USH2A: variants seen among roughly 807,000 people sequenced by gnomAD.
The protein encoded by USH2A is usherin.
In USH2A, 443 loss-of-function variants were observed where a neutral mutation model predicts 538.9. The observed-to-expected ratio is 0.82, with a 90% CI of 0.76 to 0.89. The LOEUF is 0.89. Among genes scored for constraint, USH2A ranks in the 40% least tolerant of loss-of-function variants. USH2A has a pLI of 0.00. For synonymous variants in USH2A, 2,413 were observed against 2,273.5 expected (o/e 1.06, Z -1.75); for missense variants, 6,633 against 6,324.8 (o/e 1.05, Z -1.65).
intron 44 of USH2A, among the ~76,000 whole-genome samples, chr1:215,865,116 T>C (rs1664434963): frequency 6.6e-6 from 1 of 152,144 alleles, no homozygotes; most frequent in South Asian, 2.1e-4. Context: ...AAATTAAAAT[T>C]GCAAAAAATA....
chr1:216,388,507 A>G (rs1179626929), intron 3 of USH2A, among the ~76,000 whole-genome samples: 1 of 152,164 alleles, frequency 6.6e-6, no homozygotes, highest in African/African-American at 2.4e-5. Context: ...TATGACTTGG[A>G]AGGAAAATTA....
intron 33 of USH2A, among the ~76,000 whole-genome samples, chr1:216,000,161 T>A (rs1022274994): frequency 6.6e-6 from 1 of 152,156 alleles, no homozygotes; most frequent in Non-Finnish European, 1.5e-5. Context: ...AGTGGTCAGT[T>A]TTTTGTTTAT....
intron 9 of USH2A, among the ~76,000 whole-genome samples, chr1:216,319,471 CA>C (rs1283258331): frequency 3.3e-5 from 5 of 152,186 alleles, no homozygotes; most frequent in African/African-American, 1.2e-4. Flanking sequence ...AAATCAAATG[CA>C]AAGACTCTAG....
chr1:215,663,846 T>C (rs1414724803), intron 64 of USH2A, among the ~76,000 whole-genome samples: 1 of 152,088 alleles, frequency 6.6e-6, no homozygotes, highest in East Asian at 1.9e-4. Context: ...AGCCTATGAG[T>C]CCAATGCTAT....
chr1:215,900,281 T>C (rs1407911488), intron 39 of USH2A, 64 bp from the exon 40 acceptor site: 3 of 1,582,708 alleles, frequency 1.9e-6, no homozygotes, highest in African/African-American at 2.7e-5. Flanking sequence ...AGCAAGTAAA[T>C]TTCTTACTAC....
rs111362503 is a variant in USH2A at position 216,169,547 on chromosome 1, T to A, written c.4627+5705A>T. 6.7e-3 allele frequency among the ~76,000 whole-genome samples: 1,017 copies of A among 152,224 alleles called. 10 individuals carry two copies. The highest frequency in any genetic ancestry group is 0.023 in the African/African-American group (965 of 41,554). On this transcript the variant is annotated intron_variant, in intron 21 of 71. Transcript: ENST00000307340. ...CCTCTCTACTAAATATAATAAAAAA[T>A]AAACAGTCTTGACATTTACATCTCC... is the stretch of plus-strand genomic sequence containing the variant.
rs143113642 is a variant in USH2A at position 215,972,230 on chromosome 1, TC to T, written c.6806-1455del. ...AGAAAGAAAACGTCCAGTTTCTAGC[TC>T]CAAGAGCTGAGGGCTTTGTTGACAG... On this transcript the variant is annotated intron_variant, in intron 35 of 71. Coordinates refer to ENST00000307340, the MANE Select transcript of USH2A (RefSeq NM_206933.4). 3.8e-3 allele frequency among the ~76,000 whole-genome samples: 586 copies of T among 152,232 alleles called. 5 individuals are homozygous for T. Among genetic ancestry groups the T allele is most frequent in the African/African-American group, 0.014 (565 of 41,566 alleles).
intron 61 of USH2A, among the ~76,000 whole-genome samples, chr1:215,695,278 T>C (rs1371840278): frequency 6.6e-6 from 1 of 152,216 alleles, no homozygotes; most frequent in African/African-American, 2.4e-5. Flanking sequence ...ACCTTTGACT[T>C]TCCCACTTTT....
At chr1:216,239,574 A>C (rs1394200171) in intron 13 of USH2A, among the ~76,000 whole-genome samples, 1 of 152,186 alleles carries the variant, frequency 6.6e-6, no homozygotes, top group Non-Finnish European at 1.5e-5. Context: ...GACATTATAG[A>C]CCATGAGGAT....
At chr1:216,302,199 C>G (rs781196214) in intron 9 of USH2A, among the ~76,000 whole-genome samples, 9 of 152,228 alleles carry the variant, frequency 5.9e-5, no homozygotes, top group Non-Finnish European at 1.2e-4. Context: ...GAAAATGGCT[C>G]TGTGCTTTGC....
intron 61 of USH2A, among the ~76,000 whole-genome samples, chr1:215,710,918 C>T (rs994102260): frequency 6.6e-6 from 1 of 151,830 alleles, no homozygotes; most frequent in African/African-American, 2.4e-5. Context: ...TTCTTATTTG[C>T]TGGCTCCATT....
intron 9 of USH2A, among the ~76,000 whole-genome samples, chr1:216,299,733 G>GA (rs952878418): frequency 2.6e-5 from 4 of 152,046 alleles, no homozygotes; most frequent in East Asian, 1.9e-4. Flanking sequence ...AAAATCTGCA[G>GA]AAAAAATGAT....
chr1:215,938,048 A>G (rs1666551233), intron 37 of USH2A, among the ~76,000 whole-genome samples: 1 of 152,152 alleles, frequency 6.6e-6, no homozygotes, highest in Admixed American at 6.6e-5. Context: ...TTATATAATT[A>G]GTTGTAACAT....
intron 32 of USH2A, among the ~76,000 whole-genome samples, chr1:216,042,280 A>C (rs2030311039): frequency 6.6e-6 from 1 of 152,060 alleles, no homozygotes; most frequent in Non-Finnish European, 1.5e-5. Context: ...TATGAGTTTC[A>C]ATATGACAGG....
intron 11 of USH2A, among the ~76,000 whole-genome samples, chr1:216,270,678 A>G (rs1365130186): frequency 4.0e-5 from 6 of 150,952 alleles, no homozygotes; most frequent in African/African-American, 1.2e-4. Flanking sequence ...TCCATTTAAT[A>G]AACTGCTATC....
intron 44 of USH2A, among the ~76,000 whole-genome samples, chr1:215,852,979 G>T (rs1305574485): frequency 6.6e-6 from 1 of 152,148 alleles, no homozygotes; most frequent in South Asian, 2.1e-4. Flanking sequence ...CTATTCTGGG[G>T]TCTAGAGGAC....
intron 20 of USH2A, among the ~76,000 whole-genome samples, chr1:216,181,860 C>T (rs372266679): frequency 6.6e-5 from 10 of 152,170 alleles, no homozygotes; most frequent in African/African-American, 2.2e-4. Flanking sequence ...AAATGTACTA[C>T]AGTTACAGTT....
At position 215,743,345 on chromosome 1, in the gene USH2A, G is replaced by C. The variant is rs750110818; in HGVS notation, c.11390-10C>G. 5 of 1,496,640 alleles carry C rather than the reference G, an allele frequency of 3.3e-6. No homozygotes were observed. The highest frequency in any genetic ancestry group is 4.6e-6 in the Non-Finnish European group (5 of 1,098,314). 92.7% of individuals were successfully genotyped at this position (1,496,640 alleles called of 1,614,324 possible). ...TCGGGGATGAGGATCCCTTTAAAGA[G>C]AGAGAGAGAGAGAGAACATTAAAAA... On this transcript the variant is annotated splice_polypyrimidine_tract_variant and intron_variant, in intron 58 of 71. Transcript: ENST00000307340.
intron 21 of USH2A, among the ~76,000 whole-genome samples, chr1:216,121,693 A>C (rs1382413720): frequency 6.6e-6 from 1 of 152,192 alleles, no homozygotes; most frequent in Non-Finnish European, 1.5e-5. Flanking sequence ...TAATCTCTAA[A>C]TGGAGAAAAA....
Sources: allele counts gnomAD v4.1 joint callset (sites outside exome capture counted in the v4.1 genomes callset), GRCh38; gene constraint gnomAD v4.1.1; transcripts MANE v1.5; gene names NCBI Gene and HGNC (gene_info 2026-07-23, HGNC 2026-07-21).